Variants in KANK2 observed in about 807,000 individuals in gnomAD.
KANK2 encodes KN motif and ankyrin repeat domains 2.
A neutral mutation model predicts 74.6 loss-of-function variants in KANK2; 41 were observed. That is an observed-to-expected ratio of 0.55 (90% CI 0.43 to 0.71). The LOEUF (loss-of-function observed/expected upper bound fraction) is 0.71, where lower values mean the gene tolerates loss of function less well. KANK2 is among the 30% of genes least tolerant of loss of function. The pLI is 0.00. For synonymous variants in KANK2, 537 were observed against 519.0 expected, an observed-to-expected ratio of 1.03 and a Z score of -0.47; for missense variants, 1,148 against 1,196.4, an observed-to-expected ratio of 0.96 and a Z score of 0.60.
chr19:11,182,611 A>C (rs1450470346), intron 4 of KANK2, among the ~76,000 whole-genome samples: 2 of 151,658 alleles, frequency 1.3e-5, no homozygotes, highest in African/African-American at 4.8e-5. Flanking sequence ...TGGGAGGCCA[A>C]GGCAGGCCAA....
At chr19:11,184,212 CTG>C (rs879301093) in intron 4 of KANK2, among the ~76,000 whole-genome samples, 1,977 of 147,942 alleles carry the variant, frequency 0.013, 74 homozygotes, top group Middle Eastern at 0.017. Flanking sequence ...CCAGTCTCTA[CTG>C]ATAATACAAA....
chr19:11,189,603 CAAAAAAAAAAAAAAAAAAA>C (rs56203270), intron 4 of KANK2, among the ~76,000 whole-genome samples: 1 of 43,126 alleles, frequency 2.3e-5, no homozygotes, highest in Non-Finnish European at 3.9e-5. Context: ...GACTCTGTCT[CAAAAAAAAAAAAAAAAAAA>C]AAAAAAAAAA....
intron 4 of KANK2, among the ~76,000 whole-genome samples, chr19:11,182,209 C>A (rs2078541043): frequency 2.0e-5 from 3 of 152,022 alleles, no homozygotes; most frequent in Admixed American, 2.0e-4. Flanking sequence ...AGCCAACACG[C>A]CCGGCCAGAT....
intron 2 of KANK2, 117 bp from the exon 3 acceptor site, chr19:11,194,707 A>G (rs2078965600): frequency 1.9e-6 from 1 of 522,852 alleles, no homozygotes; most frequent in Non-Finnish European, 3.5e-6. Context: ...TCTGGGACCC[A>G]CTCATAGACG....
chr19:11,178,398 A>C lies in KANK2; in HGVS notation c.1467T>G (p.Val489=). 1 of 1,574,694 alleles carries C rather than the reference A, an allele frequency of 6.4e-7. No individual in the cohort carries two copies. Among genetic ancestry groups the C allele is most frequent in the Non-Finnish European group, 8.6e-7 (1 of 1,166,200 alleles). ...VRSIMKRKEE[V]ADPTAHRRSL... ...TCCTCCGGTGGGCCGTGGGGTCTGC[A>C]ACCTCCTCTTTCCGTTTCATGATAG... The change falls in exon 6 of 13, where the codon GTT becomes GTG. Residue 489 remains valine, a synonymous_variant. Coordinates refer to ENST00000586659, the MANE Select transcript of KANK2 (RefSeq NM_001136191.3).
Position 11,170,492 on chromosome 19 carries a change from A to T in KANK2, c.2212-244T>A. On this transcript the variant is annotated intron_variant, in intron 10 of 12. Transcript: ENST00000586659. This position sits in a 1 kb window ranked among gnomAD's most constrained non-coding sequence, Gnocchi z 5.2. ...CGGGGGCGGAGGAAATGATGGATAC[A>T]GGTTTCCTTTGGGGGTGAAGAGAAC... 1 of 570,682 alleles carries T rather than the reference A, an allele frequency of 1.8e-6. No individual in the cohort carries two copies. The highest frequency in any genetic ancestry group is 2.1e-5 in the South Asian group (1 of 48,668). 35.4% of individuals were successfully genotyped at this position (570,682 alleles called of 1,614,324 possible). A position where few individuals can be genotyped will look rare whatever the true frequency, so the allele number is the denominator to read the frequency against.
At position 11,193,908 on chromosome 19, in the gene KANK2, T is replaced by C. The variant is rs1288118107; in HGVS notation, c.172A>G (p.Thr58Ala). 1 of 1,613,804 alleles carries C rather than the reference T, an allele frequency of 6.2e-7. No individual in the cohort carries two copies. The highest frequency in any genetic ancestry group is 8.5e-7 in the Non-Finnish European group (1 of 1,179,968). The change falls in exon 4 of 13, where the codon ACG becomes GCG. Residue 58 changes from threonine (T) to alanine (A), a missense_variant. Thr to Ala is a moderately conservative substitution (Grantham distance 58, BLOSUM62 0). Coordinates refer to ENST00000586659, the MANE Select transcript of KANK2 (RefSeq NM_001136191.3). The surrounding 1 kb of genome is among the most constrained non-coding windows in gnomAD (Gnocchi z 9.6). ...KYVDDIEKGHTLRRVAVQRRP... is the reference protein window; with the variant it reads ...KYVDDIEKGHALRRVAVQRRP... Reference sequence around the variant, plus strand: ...CGCTGCACTGCCACGCGTCGCAGCGTGTGGCCCTTCTCGATGTCATCCACG... The same window carrying C: ...CGCTGCACTGCCACGCGTCGCAGCGCGTGGCCCTTCTCGATGTCATCCACG...
intron 7 of KANK2, 91 bp from the exon 8 acceptor site, chr19:11,176,080 AG>A: frequency 1.0e-6 from 1 of 958,296 alleles, no homozygotes. Flanking sequence ...CACTCACAAT[AG>A]GGTCACCTGA....
At chr19:11,184,247 G>A (rs1682775401) in intron 4 of KANK2, among the ~76,000 whole-genome samples, 1 of 144,210 alleles carries the variant, frequency 6.9e-6, no homozygotes, top group African/African-American at 2.5e-5. Flanking sequence ...ATGCTGGCAG[G>A]CACCTGTAAT....
chr19:11,168,588 C>T (rs2078088566), intron 12 of KANK2, among the ~76,000 whole-genome samples: 1 of 152,086 alleles, frequency 6.6e-6, no homozygotes, highest in South Asian at 2.1e-4. Context: ...GATTGTGTCT[C>T]TTACCAGAAT....
intron 4 of KANK2, among the ~76,000 whole-genome samples, chr19:11,181,088 CAAAAAAA>C (rs752985367): frequency 2.0e-3 from 49 of 24,104 alleles, no homozygotes; most frequent in African/African-American, 3.9e-3. Context: ...CTCTTGTCTC[CAAAAAAA>C]AAAAAAAAAA....
rs1291897984 is a variant in KANK2 at position 11,164,841 on chromosome 19, A to G, written c.*1717T>C. The G allele has an allele frequency of 2.6e-5, 4 of 152,156 alleles. No homozygotes were observed. The East Asian group carries it at 7.7e-4, about 29-fold the overall frequency. 9.4% of individuals were successfully genotyped at this position (152,156 alleles called of 1,614,324 possible). The stretch of plus-strand genomic sequence containing the variant: ...TAAAAATCAAAGCAAGCCAGTCTAC[A>G]TCAAGCCAAGAAACCTACTTTTCTA... On this transcript the variant is annotated 3_prime_UTR_variant, in exon 13 of 13. Transcript: ENST00000586659.
chr19:11,175,613 A>AG (rs1233550724), intron 8 of KANK2, among the ~76,000 whole-genome samples: 1 of 152,000 alleles, frequency 6.6e-6, no homozygotes, highest in Non-Finnish European at 1.5e-5. Context: ...AGTCAAGTGT[A>AG]GATGCCCAAA....
intron 12 of KANK2, among the ~76,000 whole-genome samples, chr19:11,167,717 A>G (rs1383486903): frequency 6.6e-6 from 1 of 150,842 alleles, no homozygotes; most frequent in Admixed American, 6.6e-5. Context: ...TAGTAGAGAC[A>G]GGGCTTCACC....
rs2147378523 is a variant in KANK2 at position 11,169,912 on chromosome 19, A to G, written c.2467T>C (p.Ser823Pro). Residue 823 changes from serine (S) to proline (P), a missense_variant, in exon 12 of 13, where the codon TCC becomes CCC. Coordinates refer to ENST00000586659, the MANE Select transcript of KANK2 (RefSeq NM_001136191.3). ...ALDAGQSEIA[S>P]MLYSRMNIKC... ...ATGTTCATGCGGGAATACAGCATGG[A>G]CGCAATCTCACTCTGCCCTGCGTCC... 6.2e-7 allele frequency: 1 copy of G among 1,614,136 alleles called. No homozygotes were observed. Among genetic ancestry groups the G allele is most frequent in the East Asian group, 2.2e-5 (1 of 44,884 alleles).
chr19:11,192,783 GCCC>G (rs35706290), intron 4 of KANK2, 45 bp downstream of exon 4: 81 of 1,444,634 alleles, frequency 5.6e-5, no homozygotes, highest in Middle Eastern at 5.6e-4. Flanking sequence ...GAAGAAAGAG[GCCC>G]CCCCCCCCCA....
At chr19:11,185,521 C>T (rs899882460) in intron 4 of KANK2, among the ~76,000 whole-genome samples, 5 of 148,906 alleles carry the variant, frequency 3.4e-5, no homozygotes, top group African/African-American at 1.2e-4. Context: ...TAAAAAAAAA[C>T]GTAAAAATCA....
At chr19:11,191,191 C>T (rs964040322) in intron 4 of KANK2, among the ~76,000 whole-genome samples, 4 of 151,744 alleles carry the variant, frequency 2.6e-5, no homozygotes, top group Non-Finnish European at 5.9e-5. Context: ...CAGGTGTGCG[C>T]CACCACGCCC....
chr19:11,176,469 T>C (rs1300970752), intron 7 of KANK2, 109 bp downstream of exon 7: 3 of 1,222,866 alleles, frequency 2.5e-6, no homozygotes, highest in Non-Finnish European at 3.4e-6. Flanking sequence ...CAGACTAAAG[T>C]GTGCATGACT....
Sources: gnomAD v4.1 joint callset for allele counts (sites outside exome capture counted in the v4.1 genomes callset) on GRCh38, gnomAD v4.1.1 for gene constraint, Gnocchi (gnomAD v3.1) non-coding constraint, MANE v1.5 for transcripts, NCBI Gene and HGNC (gene_info 2026-07-23, HGNC 2026-07-21) for gene names.